Variants in ALG2 observed in about 807,000 individuals in gnomAD.
The protein encoded by ALG2 is ALG2 alpha-1,3/1,6-mannosyltransferase, also known as alpha-1,3/1,6-mannosyltransferase ALG2.
ALG2 carries 32 observed loss-of-function variants against 30.5 expected under a neutral mutation model. The observed-to-expected ratio is 1.05, with a 90% CI of 0.79 to 1.41. ALG2 has a LOEUF of 1.41. Among genes scored for constraint, ALG2 ranks in the 40% most tolerant of loss-of-function variants. The pLI, the probability that ALG2 is intolerant of heterozygous loss-of-function variation, is 0.00. For synonymous variants in ALG2, 253 were observed against 224.8 expected (o/e 1.13, Z -1.12); for missense variants, 574 against 526.4 (o/e 1.09, Z -0.88).
Position 99,218,758 on chromosome 9 carries a change from G to A in ALG2, c.427C>T (p.Leu143Phe). 1 of 1,613,836 alleles carries A rather than the reference G, an allele frequency of 6.2e-7. No individual in the cohort carries two copies. Among genetic ancestry groups the A allele is most frequent in the Non-Finnish European group, 8.5e-7 (1 of 1,180,002 alleles). ...AGAAAAGAATCTCTCTTGGTGAGAA[G>A]CAGATCTGGGAAGTGACAGTAAAAT... ...ILFYCHFPDL[L>F]LTKRDSFLKR... Residue 143 changes from leucine (L) to phenylalanine (F), a missense_variant, in exon 2 of 2, where the codon CTT (leucine) becomes TTT (phenylalanine). Transcript: ENST00000476832.
In ALG2 at chr9:99,221,800, AGCC is replaced by A; in HGVS notation, c.92_94del (p.Arg31del). ...CAGCGCCAGCGCCGCGTCCAACACCAGCCGCTCAGCGCCGCCCACGCCCAGGTC... is the reference window on the plus strand; with the variant it reads ...CAGCGCCAGCGCCGCGTCCAACACCAGCTCAGCGCCGCCCACGCCCAGGTC... On this transcript the variant is annotated inframe_deletion, in exon 1 of 2. Transcript: ENST00000476832. The A allele has an allele frequency of 6.3e-7, 1 of 1,597,972 alleles. No homozygotes were observed.
At chr9:99,220,636 T>G (rs912073638) in intron 1 of ALG2, among the ~76,000 whole-genome samples, 1 of 152,074 alleles carries the variant, frequency 6.6e-6, no homozygotes, top group Admixed American at 6.5e-5. Flanking sequence ...AAGACTCCGT[T>G]TCAAAATAAA....
chr9:99,217,954 CAT>C lies in ALG2; in HGVS notation c.1229_1230del (p.Tyr410CysfsTer36). 1 of 1,614,218 alleles carries C rather than the reference CAT, an allele frequency of 6.2e-7. No homozygotes were observed. The highest frequency in any genetic ancestry group is 8.5e-7 in the Non-Finnish European group (1 of 1,180,028). On this transcript the variant is annotated frameshift_variant, in exon 2 of 2. Coordinates refer to ENST00000476832, the MANE Select transcript of ALG2 (RefSeq NM_033087.4). LOFTEE classifies it high-confidence loss of function. ...PEAFTEQLYR[Y>X]VTKLLV ...TCTGATTATACCAGCAGTTTGGTAA[CAT>C]ATCGGTAGAGCTGTTCTGTAAATGC... is the stretch of plus-strand genomic sequence containing the variant.
chr9:99,217,755 G>T lies in ALG2; in HGVS notation c.*179C>A. The T allele has an allele frequency of 1.3e-6, 1 of 751,282 alleles. No individual in the cohort carries two copies. The highest frequency in any genetic ancestry group is 2.3e-6 in the Non-Finnish European group (1 of 432,810). The allele number at this position is 751,282 out of a possible 1,614,324, so 46.5% of individuals were successfully genotyped here. On this transcript the variant is annotated 3_prime_UTR_variant, in exon 2 of 2. Coordinates refer to ENST00000476832, the MANE Select transcript of ALG2 (RefSeq NM_033087.4). ...GGAATGATTATAGCATAAAAGACAT[G>T]GTTTTTCTGAAAAGTGGACAGGGAG...
At chr9:99,221,484 T>C in intron 1 of ALG2, 63 bp downstream of exon 1, 4 of 1,504,988 alleles carry the variant, frequency 2.7e-6, no homozygotes, top group South Asian at 1.2e-5. Context: ...TCAGGGGTCA[T>C]GCCCGCGGCC....
chr9:99,218,020 C>T lies in ALG2; in HGVS notation c.1165G>A (p.Ala389Thr), dbSNP rs757702030. 9 of 1,614,218 alleles carry T rather than the reference C, an allele frequency of 5.6e-6. No individual in the cohort carries two copies. Among genetic ancestry groups the T allele is most frequent in the Middle Eastern group, 1.6e-4 (1 of 6,062 alleles). Residue 389 changes from alanine (A) to threonine (T), a missense_variant, in exon 2 of 2, where the codon GCT becomes ACT. Physicochemically the swap from Ala to Thr is moderately conservative, Grantham distance 58. Transcript: ENST00000476832. ...EPSLKATMGL[A>T]GRARVKEKFS... Reference sequence around the variant, plus strand: ...TTTTCCTTCACTCTGGCTCTTCCAGCCAGGCCCATGGTGGCTTTTAAGGAA... The same window carrying T: ...TTTTCCTTCACTCTGGCTCTTCCAGTCAGGCCCATGGTGGCTTTTAAGGAA...
Position 99,218,197 on chromosome 9 carries a change from C to T in ALG2, c.988G>A (p.Val330Ile), listed in dbSNP as rs1319207033. Residue 330 changes from valine to isoleucine, a missense_variant, in exon 2 of 2, where the codon GTC becomes ATC. Physicochemically the swap from Val to Ile is conservative, Grantham distance 29 (BLOSUM62 3). Transcript: ENST00000476832. ...YTPSNEHFGI[V>I]PLEAMYMQCP... Reference sequence around the variant, plus strand: ...TGCATGTACATGGCTTCCAGAGGGACAATGCCAAAGTGCTCATTGCTTGGT... The same window carrying T: ...TGCATGTACATGGCTTCCAGAGGGATAATGCCAAAGTGCTCATTGCTTGGT... The T allele has an allele frequency of 4.3e-6, 7 of 1,613,810 alleles. No homozygotes were observed. The highest frequency in any genetic ancestry group is 1.3e-5 in the African/African-American group (1 of 75,062).
At position 99,217,780 on chromosome 9, in the gene ALG2, G is replaced by A. The variant is rs1482614875; in HGVS notation, c.*154C>T. 5 of 817,620 alleles carry A rather than the reference G, an allele frequency of 6.1e-6. No homozygotes were observed. The East Asian group carries it at 1.3e-4, about 22-fold the overall frequency. The allele number at this position is 817,620 out of a possible 1,614,324, so 50.6% of individuals were successfully genotyped here. On this transcript the variant is annotated 3_prime_UTR_variant, in exon 2 of 2. Transcript: ENST00000476832. ...GGTTTTTCTGAAAAGTGGACAGGGAGGTGTGGTATATAGGAAAGTGGCTCA... is the reference window on the plus strand; with the variant it reads ...GGTTTTTCTGAAAAGTGGACAGGGAAGTGTGGTATATAGGAAAGTGGCTCA...
intron 1 of ALG2, among the ~76,000 whole-genome samples, chr9:99,219,197 T>C (rs1013488469): frequency 2.0e-5 from 3 of 152,260 alleles, no homozygotes; most frequent in Non-Finnish European, 4.4e-5. Context: ...ACAGTATTAA[T>C]GAGATACTTT....
chr9:99,221,522 G>A lies in ALG2; in HGVS notation c.348+25C>T, dbSNP rs758777017. 3 of 1,539,804 alleles carry A rather than the reference G, an allele frequency of 1.9e-6. No individual in the cohort carries two copies. In the Admixed American group the frequency reaches 5.9e-5, roughly 30 times the overall value. ...CCTCCACGGCGAGGTCCGCACTCGC[G>A]CAGCCGGCCCCGCGGCCGCCTCACC... On this transcript the variant is annotated intron_variant, in intron 1 of 1. Transcript: ENST00000476832.
rs376303957 is a variant in ALG2, at chr9:99,221,924, C to G, written c.-30G>C. 2.8e-5 allele frequency: 43 copies of G among 1,560,084 alleles called. No individual in the cohort carries two copies. The Admixed American group carries it at 4.1e-4, about 15-fold the overall frequency. ...CTGGAGCCGCAACTGCACCCCGCAC[C>G]CTGATGGGGGTCTTCTGCGCAAGCT... On this transcript the variant is annotated 5_prime_UTR_variant, in exon 1 of 2. Coordinates refer to ENST00000476832, the MANE Select transcript of ALG2 (RefSeq NM_033087.4).
chr9:99,217,344 C>T lies in ALG2; in HGVS notation c.*590G>A, dbSNP rs1828711249. On this transcript the variant is annotated 3_prime_UTR_variant, in exon 2 of 2. Transcript: ENST00000476832. ...ACAATACCAAAATAGATTATGGAGACCAAAATCTAATACTGTTTCTTTTTT... is the reference window on the plus strand; with the variant it reads ...ACAATACCAAAATAGATTATGGAGATCAAAATCTAATACTGTTTCTTTTTT... The T allele has an allele frequency of 2.2e-6, 1 of 453,946 alleles. No homozygotes were observed. Among genetic ancestry groups the T allele is most frequent in the South Asian group, 1.6e-5 (1 of 64,474 alleles). 28.1% of individuals were successfully genotyped at this position (453,946 alleles called of 1,614,324 possible).
chr9:99,220,898 A>G, intron 1 of ALG2: 3 of 1,283,148 alleles, frequency 2.3e-6, no homozygotes, highest in Non-Finnish European at 3.1e-6. Flanking sequence ...TTTTAAAGTC[A>G]TCTTTTTTAG....
In ALG2 at chr9:99,218,236, A is replaced by C; in HGVS notation, c.949T>G (p.Cys317Gly). Residue 317 changes from cysteine (C) to glycine (G), a missense_variant, in exon 2 of 2, where the codon TGT (cysteine) becomes GGT (glycine). Coordinates refer to ENST00000476832, the MANE Select transcript of ALG2 (RefSeq NM_033087.4). ...QKISLLHSCT[C>G]VLYTPSNEHF... ...TCATTGCTTGGTGTGTAAAGCACAC[A>C]CGTGCAGCTGTGGAGGAGGGAGATT... is the stretch of plus-strand genomic sequence containing the variant. The C allele has an allele frequency of 6.2e-7, 1 of 1,614,252 alleles. No homozygotes were observed. Among genetic ancestry groups the C allele is most frequent in the Non-Finnish European group, 8.5e-7 (1 of 1,180,052 alleles).
chr9:99,217,535 C>T lies in ALG2; in HGVS notation c.*399G>A, dbSNP rs953298422. The stretch of plus-strand genomic sequence containing the variant: ...GATTGAATCTGGGAACTACAATAGC[C>T]CTGCTCTCATTATACTATGAAGCCA... On this transcript the variant is annotated 3_prime_UTR_variant, in exon 2 of 2. Transcript: ENST00000476832. 19 of 455,928 alleles carry T rather than the reference C, an allele frequency of 4.2e-5. No homozygotes were observed. Among genetic ancestry groups the T allele is most frequent in the Admixed American group, 7.0e-5 (3 of 42,592 alleles). The allele number at this position is 455,928 out of a possible 1,614,324, so 28.2% of individuals were successfully genotyped here. A position where few individuals can be genotyped will look rare whatever the true frequency, so the allele number is the denominator to read the frequency against.
In ALG2 at chr9:99,220,895, G is replaced by C. The variant is rs966225552; in HGVS notation, c.348+652C>G. On this transcript the variant is annotated intron_variant, in intron 1 of 1. Coordinates refer to ENST00000476832, the MANE Select transcript of ALG2 (RefSeq NM_033087.4). ...AATCGAGTAAATGTTACTTTTTAAA[G>C]TCATCTTTTTTAGGATGGGGAAAAA... 7.9e-6 allele frequency: 10 copies of C among 1,269,834 alleles called. No homozygotes were observed. In the Admixed American group the frequency reaches 2.1e-4, roughly 27 times the overall value. The allele number at this position is 1,269,834 out of a possible 1,614,324, so 78.7% of individuals were successfully genotyped here.
At chr9:99,221,179 C>G in intron 1 of ALG2, 5 of 1,377,822 alleles carry the variant, frequency 3.6e-6, no homozygotes, top group Non-Finnish European at 4.8e-6. Flanking sequence ...AGCGGGAAGA[C>G]AACACGCGAG....
Position 99,216,880 on chromosome 9 carries a change from T to C in ALG2, c.*1054A>G, listed in dbSNP as rs1329763653. On this transcript the variant is annotated 3_prime_UTR_variant, in exon 2 of 2. Coordinates refer to ENST00000476832, the MANE Select transcript of ALG2 (RefSeq NM_033087.4). Reference sequence around the variant, plus strand: ...TGATAAATGTGGAGCCTTTGGCTAGTAAGCTTTGCTACTTCTGGAAATGAA... The same window carrying C: ...TGATAAATGTGGAGCCTTTGGCTAGCAAGCTTTGCTACTTCTGGAAATGAA... 2.2e-6 allele frequency: 1 copy of C among 454,152 alleles called. No homozygotes were observed. Among genetic ancestry groups the C allele is most frequent in the Non-Finnish European group, 4.4e-6 (1 of 226,798 alleles). 28.1% of individuals were successfully genotyped at this position (454,152 alleles called of 1,614,324 possible). A position where few individuals can be genotyped will look rare whatever the true frequency, so the allele number is the denominator to read the frequency against.
At position 99,217,021 on chromosome 9, in the gene ALG2, G is replaced by A; in HGVS notation, c.*913C>T. 1 of 454,144 alleles carries A rather than the reference G, an allele frequency of 2.2e-6. No individual in the cohort carries two copies. The highest frequency in any genetic ancestry group is 4.4e-6 in the Non-Finnish European group (1 of 226,794). 28.1% of individuals were successfully genotyped at this position (454,144 alleles called of 1,614,324 possible). On this transcript the variant is annotated 3_prime_UTR_variant, in exon 2 of 2. Transcript: ENST00000476832. ...ATATCAGTGTCATGAAAAGGCTAGA[G>A]TACATGGAGGGGGAAGATAACTTCT...
Sources: gnomAD v4.1 joint callset for allele counts (sites outside exome capture counted in the v4.1 genomes callset) on GRCh38, gnomAD v4.1.1 for gene constraint, MANE v1.5 for transcripts, NCBI Gene and HGNC (gene_info 2026-07-23, HGNC 2026-07-21) for gene names.